Variants in CPB2 observed in about 807,000 individuals in gnomAD.
CPB2 encodes the protein carboxypeptidase B-like protein.
In CPB2, 54 loss-of-function variants were observed where a neutral mutation model predicts 57.0. That is an observed-to-expected ratio of 0.95 (90% CI 0.76 to 1.19). The LOEUF is 1.19. Ranked by LOEUF, CPB2 falls within the 50% of genes most tolerant of loss-of-function variation. CPB2 has a pLI of 0.00. For synonymous variants in CPB2, 189 were observed against 178.1 expected, an observed-to-expected ratio of 1.06 and a Z score of -0.49; for missense variants, 426 against 512.0, an observed-to-expected ratio of 0.83 and a Z score of 1.62.
intron 8 of CPB2, among the ~76,000 whole-genome samples, chr13:46,063,920 A>T (rs995010235): frequency 2.0e-5 from 3 of 151,752 alleles, no homozygotes; most frequent in Non-Finnish European, 4.4e-5. Context: ...TAGTGAAAAA[A>T]ATGTCTTCAA....
chr13:46,058,292 A>C lies in CPB2; in HGVS notation c.886T>G (p.Leu296Val). The change falls in exon 9 of 11, where the codon TTG becomes GTG. Residue 296 changes from leucine (L) to valine (V), a missense_variant. Leu to Val is a conservative substitution (Grantham distance 32). Coordinates refer to ENST00000181383, the MANE Select transcript of CPB2 (RefSeq NM_001872.5). The stretch of plus-strand genomic sequence containing the variant: ...TTAATCTGGTTGATATTTCTTCTCA[A>C]GAAACTAGCCACTGCCTTCACTTCT... Reference protein sequence around the residue: ...EPEVKAVASFLRRNINQIKAY... With the variant: ...EPEVKAVASFVRRNINQIKAY... 6.2e-7 allele frequency: 1 copy of C among 1,614,150 alleles called. No individual in the cohort carries two copies.
rs376004858 is a variant in CPB2 at position 46,053,612 on chromosome 13, C to T, written c.*2G>A. ...GGAAGCAGAATGATAAAATCAGGGG[C>T]ATTAAACATTCCTAATGACATGCCA... On this transcript the variant is annotated 3_prime_UTR_variant, in exon 11 of 11. Coordinates refer to ENST00000181383, the MANE Select transcript of CPB2 (RefSeq NM_001872.5). 11 of 1,611,330 alleles carry T rather than the reference C, an allele frequency of 6.8e-6. No individual in the cohort carries two copies. The highest frequency in any genetic ancestry group is 9.3e-6 in the Non-Finnish European group (11 of 1,177,998).
At chr13:46,056,886 T>C (rs1353738830) in intron 9 of CPB2, among the ~76,000 whole-genome samples, 1 of 152,236 alleles carries the variant, frequency 6.6e-6, no homozygotes, top group Non-Finnish European at 1.5e-5. Flanking sequence ...TCCTCACTTA[T>C]CTCAGCATTT....
At chr13:46,089,807 G>C (rs1241415714) in intron 1 of CPB2, among the ~76,000 whole-genome samples, 1 of 151,142 alleles carries the variant, frequency 6.6e-6, no homozygotes, top group Non-Finnish European at 1.5e-5. Context: ...AGAATTAGCT[G>C]GTGCTTTGTC....
chr13:46,093,999 A>C (rs2045330897), intron 1 of CPB2, among the ~76,000 whole-genome samples: 1 of 152,052 alleles, frequency 6.6e-6, no homozygotes, highest in Non-Finnish European at 1.5e-5. Flanking sequence ...ACCCAAAAGA[A>C]CTCCTATTCT....
intron 4 of CPB2, among the ~76,000 whole-genome samples, chr13:46,080,213 G>A (rs1175593240): frequency 1.3e-5 from 2 of 152,058 alleles, no homozygotes; most frequent in East Asian, 3.9e-4. Flanking sequence ...TTGGCCATTT[G>A]TTTCTTTCTC....
chr13:46,063,149 AC>A (rs947672950), intron 8 of CPB2, among the ~76,000 whole-genome samples: 1 of 152,158 alleles, frequency 6.6e-6, no homozygotes, highest in Non-Finnish European at 1.5e-5. Context: ...GTGAACTAAC[AC>A]CTACCCCCCT....
At chr13:46,057,656 G>C (rs1253251346) in intron 9 of CPB2, among the ~76,000 whole-genome samples, 2 of 152,162 alleles carry the variant, frequency 1.3e-5, no homozygotes, top group African/African-American at 4.8e-5. Flanking sequence ...TGTATTGTCT[G>C]TTATGTTCCA....
chr13:46,061,000 AG>A (rs1295833660), intron 8 of CPB2, among the ~76,000 whole-genome samples: 8 of 152,152 alleles, frequency 5.3e-5, no homozygotes, highest in African/African-American at 1.9e-4. Flanking sequence ...AGAGACAGAA[AG>A]TAGATAAGAA....
chr13:46,067,662 T>G (rs967856764), intron 6 of CPB2, among the ~76,000 whole-genome samples: 1 of 152,160 alleles, frequency 6.6e-6, no homozygotes, highest in African/African-American at 2.4e-5. Context: ...ACTTTCTAAA[T>G]TTTCCTTAAA....
At chr13:46,092,036 C>G (rs946463505) in intron 1 of CPB2, among the ~76,000 whole-genome samples, 1 of 152,120 alleles carries the variant, frequency 6.6e-6, no homozygotes, top group Non-Finnish European at 1.5e-5. Flanking sequence ...CTGAGCCCCC[C>G]CTTTTTTTTA....
At chr13:46,083,318 A>G (rs777415294) in intron 3 of CPB2, among the ~76,000 whole-genome samples, 6 of 152,236 alleles carry the variant, frequency 3.9e-5, no homozygotes, top group Non-Finnish European at 8.8e-5. Context: ...TTTCATCTAT[A>G]TAATGGGGTT....
rs1216272367 is a variant in CPB2, at chr13:46,062,525, C to G, written c.796+2123G>C. ...GGCATGTTATTAGTGCCACAGCAAACTTTGGGCCTCTGGGAACACGAGTGG... is the reference window on the plus strand; with the variant it reads ...GGCATGTTATTAGTGCCACAGCAAAGTTTGGGCCTCTGGGAACACGAGTGG... On this transcript the variant is annotated intron_variant, in intron 8 of 10. Transcript: ENST00000181383. Among the ~76,000 whole-genome samples, 5 of 152,174 alleles carry G rather than the reference C, an allele frequency of 3.3e-5. No homozygotes were observed. In the East Asian group the frequency reaches 9.6e-4, roughly 29 times the overall value.
chr13:46,070,516 G>A (rs1228361723), intron 6 of CPB2, among the ~76,000 whole-genome samples: 1 of 152,062 alleles, frequency 6.6e-6, no homozygotes, highest in East Asian at 1.9e-4. Flanking sequence ...TGCCTGGGGT[G>A]CACTCAAGCT....
At chr13:46,069,373 GT>G (rs1196101664) in intron 6 of CPB2, among the ~76,000 whole-genome samples, 4 of 152,174 alleles carry the variant, frequency 2.6e-5, no homozygotes, top group Admixed American at 2.0e-4. Flanking sequence ...CCATTTTAAA[GT>G]GTGAAATTCA....
intron 3 of CPB2, among the ~76,000 whole-genome samples, chr13:46,083,794 C>G (rs781753177): frequency 1.1e-4 from 17 of 152,186 alleles, no homozygotes; most frequent in Non-Finnish European, 2.1e-4. Context: ...ACCTGTTACA[C>G]TTTTTAAAGC....
chr13:46,104,584 C>CT (rs754134558), intron 1 of CPB2, among the ~76,000 whole-genome samples: 17 of 152,140 alleles, frequency 1.1e-4, no homozygotes, highest in Non-Finnish European at 1.9e-4. Context: ...CCATAGTTAA[C>CT]TTTTTTTATG....
chr13:46,081,348 C>T (rs1301505280), intron 4 of CPB2, among the ~76,000 whole-genome samples: 3 of 152,180 alleles, frequency 2.0e-5, no homozygotes, highest in Admixed American at 6.5e-5. Flanking sequence ...CTTATCACAG[C>T]AGTGACAGTT....
intron 5 of CPB2, among the ~76,000 whole-genome samples, chr13:46,074,810 C>T (rs988931621): frequency 2.6e-5 from 4 of 152,106 alleles, no homozygotes; most frequent in Non-Finnish European, 4.4e-5. Context: ...TAAAACTGTT[C>T]CACCTCAGAT....
Sources: gnomAD v4.1 joint callset for allele counts (sites outside exome capture counted in the v4.1 genomes callset) on GRCh38, gnomAD v4.1.1 for gene constraint, MANE v1.5 for transcripts, NCBI Gene and HGNC (gene_info 2026-07-23, HGNC 2026-07-21) for gene names.